CASS4: variants seen among roughly 807,000 people sequenced by gnomAD.
CASS4 encodes Cas scaffold protein family member 4.
A neutral mutation model predicts 54.2 loss-of-function variants in CASS4; 22 were observed. The observed-to-expected ratio is 0.41, with a 90% confidence interval of 0.29 to 0.58. The LOEUF is 0.58. Ranked by LOEUF, CASS4 falls within the 20% of genes least tolerant of loss-of-function variation. CASS4 has a pLI of 0.36. For missense variants in CASS4, 854 were observed against 986.7 expected (o/e 0.87, Z 1.80); for synonymous variants, 409 against 391.5 (o/e 1.04, Z -0.53).
chr20:56,421,915 A>G (rs1420742751), intron 1 of CASS4, among the ~76,000 whole-genome samples: 1 of 152,240 alleles, frequency 6.6e-6, no homozygotes, highest in African/African-American at 2.4e-5. Flanking sequence ...GTAATCCCTC[A>G]GATGGCTTTC....
intron 1 of CASS4, among the ~76,000 whole-genome samples, chr20:56,413,070 G>T (rs951045599): frequency 6.6e-6 from 1 of 151,756 alleles, no homozygotes; most frequent in South Asian, 2.1e-4. Context: ...AGGCACGGTG[G>T]TACATACCTG....
intron 1 of CASS4, among the ~76,000 whole-genome samples, chr20:56,426,649 C>T (rs1206815375): frequency 3.3e-5 from 5 of 152,112 alleles, no homozygotes; most frequent in Non-Finnish European, 7.4e-5. Context: ...AATCCCGGCT[C>T]ATTGCAATCT....
intron 1 of CASS4, among the ~76,000 whole-genome samples, chr20:56,431,029 T>G (rs1032902690): frequency 9.9e-5 from 15 of 152,154 alleles, no homozygotes; most frequent in African/African-American, 3.6e-4. Context: ...TCCAATTTTA[T>G]GTGTATAAAA....
intron 1 of CASS4, among the ~76,000 whole-genome samples, chr20:56,417,032 G>A (rs1979170904): frequency 6.6e-6 from 1 of 152,176 alleles, no homozygotes; most frequent in African/African-American, 2.4e-5. Context: ...TAAAAATGTA[G>A]AATTTTTTAA....
In CASS4 at chr20:56,458,875, A is replaced by G; in HGVS notation, c.*128A>G. ...GAGCTGAAACAGACCTGGTGCCCAA[A>G]GCTGGTAGTACCAAGTGGCTAAGCA... On this transcript the variant is annotated 3_prime_UTR_variant, in exon 6 of 6. Coordinates refer to ENST00000679887, the MANE Select transcript of CASS4 (RefSeq NM_020356.4). 2.0e-6 allele frequency: 2 copies of G among 987,354 alleles called. No individual in the cohort carries two copies. Among genetic ancestry groups the G allele is most frequent in the Non-Finnish European group, 2.9e-6 (2 of 684,506 alleles). 61.2% of individuals were successfully genotyped at this position (987,354 alleles called of 1,614,324 possible). A position where few individuals can be genotyped will look rare whatever the true frequency, so the allele number is the denominator to read the frequency against.
intron 2 of CASS4, among the ~76,000 whole-genome samples, chr20:56,445,056 G>A (rs1980640379): frequency 6.6e-6 from 1 of 151,952 alleles, no homozygotes; most frequent in South Asian, 2.1e-4. Flanking sequence ...TTTGCAGTGA[G>A]CCGAGATCGC....
chr20:56,427,756 G>A (rs1979713412), intron 1 of CASS4, among the ~76,000 whole-genome samples: 2 of 152,160 alleles, frequency 1.3e-5, no homozygotes, highest in South Asian at 4.1e-4. Context: ...TTAAAATGTG[G>A]TTTCTCTATA....
In CASS4 at chr20:56,437,603, C is replaced by A. The variant is rs16979923; in HGVS notation, c.459+17C>A. ...CCAAAACAGGTACGCATACTTCCAC[C>A]TACTAGACATGGGTTGAGGGGTATG... On this transcript the variant is annotated intron_variant, in intron 2 of 5. Transcript: ENST00000679887. This position sits in a 1 kb window ranked among gnomAD's most constrained non-coding sequence, Gnocchi z 4.7. 8.0e-3 allele frequency: 12,220 copies of A among 1,518,678 alleles called. 254 individuals carry two copies. Among genetic ancestry groups the A allele is most frequent in the African/African-American group, 0.075 (5,419 of 72,000 alleles). 94.1% of individuals were successfully genotyped at this position (1,518,678 alleles called of 1,614,324 possible). A position where few individuals can be genotyped will look rare whatever the true frequency, so the allele number is the denominator to read the frequency against.
chr20:56,446,075 A>G, intron 3 of CASS4, 74 bp downstream of exon 3: 1 of 994,752 alleles, frequency 1.0e-6, no homozygotes, highest in Non-Finnish European at 1.5e-6. Context: ...GATCATGCCC[A>G]CATTGCATTT....
chr20:56,442,662 A>ATT (rs1980515826), intron 2 of CASS4, among the ~76,000 whole-genome samples: 1 of 125,154 alleles, frequency 8.0e-6, no homozygotes, highest in African/African-American at 3.7e-5. Context: ...TGCTGGCCTA[A>ATT]TTTAAAAAAA....
At chr20:56,446,381 G>A (rs922241805) in intron 3 of CASS4, among the ~76,000 whole-genome samples, 4 of 152,064 alleles carry the variant, frequency 2.6e-5, no homozygotes, top group African/African-American at 7.2e-5. Flanking sequence ...ATAAGCCACC[G>A]TGCCCAGCCA....
chr20:56,443,361 C>T (rs1283637771), intron 2 of CASS4, among the ~76,000 whole-genome samples: 2 of 150,156 alleles, frequency 1.3e-5, no homozygotes, highest in African/African-American at 2.5e-5. Context: ...CCCAGCTACT[C>T]GGGAGGCTGA....
intron 1 of CASS4, among the ~76,000 whole-genome samples, chr20:56,422,878 A>G (rs1032357659): frequency 1.1e-4 from 16 of 152,220 alleles, no homozygotes; most frequent in African/African-American, 3.6e-4. Context: ...CCCTCCTCAT[A>G]TCCAAGTTCA....
chr20:56,450,205 A>G (rs138129057), intron 3 of CASS4, among the ~76,000 whole-genome samples: 2,214 of 151,880 alleles, frequency 0.015, 28 homozygotes, highest in Non-Finnish European at 0.023. Context: ...CTAATTTTGT[A>G]TTTTTAATAG....
In CASS4 at chr20:56,437,356, G is replaced by A. The variant is rs761295290; in HGVS notation, c.229G>A (p.Asp77Asn). The A allele has an allele frequency of 4.3e-6, 7 of 1,613,962 alleles. No homozygotes were observed. The African/African-American group carries it at 9.3e-5, about 22-fold the overall frequency. Residue 77 changes from aspartate to asparagine, a missense_variant, in exon 2 of 6, where the codon GAC becomes AAC. Transcript: ENST00000679887. This position sits in a 1 kb window ranked among gnomAD's most constrained non-coding sequence, Gnocchi z 4.7. ...CCAAATCCTCACGGAGGTCGCTGCA[G>A]ACAGGCCGTGCCCCCCATTCCTGAG... The part of the protein sequence containing the change: ...RLQILTEVAA[D>N]RPCPPFLRGL...
At position 56,432,934 on chromosome 20, in the gene CASS4, G is replaced by A. The variant is rs1181374469; in HGVS notation, c.37-4230G>A. Among the ~76,000 whole-genome samples the A allele has an allele frequency of 2.6e-5, 4 of 152,240 alleles. No homozygotes were observed. The South Asian group carries it at 8.3e-4, about 32-fold the overall frequency. On this transcript the variant is annotated intron_variant, in intron 1 of 5. Coordinates refer to ENST00000679887, the MANE Select transcript of CASS4 (RefSeq NM_020356.4). ...AAATCTTCCCTCTTACCCTACTCCA[G>A]ACAGAAATAGGAGCGCTCATCCTGG... is the stretch of plus-strand genomic sequence containing the variant.
In CASS4 at chr20:56,437,178, G is replaced by A. The variant is rs746911012; in HGVS notation, c.51G>A (p.Arg17=). 4.7e-5 allele frequency: 73 copies of A among 1,558,872 alleles called. No individual in the cohort carries two copies. Among genetic ancestry groups the A allele is most frequent in the Non-Finnish European group, 5.9e-5 (68 of 1,148,932 alleles). The change falls in exon 2 of 6, where the codon AGG becomes AGA. Residue 17 remains arginine (R), a synonymous_variant. Transcript: ENST00000679887. The surrounding 1 kb of genome is among the most constrained non-coding windows in gnomAD (Gnocchi z 4.7). ...MDCAPKALLA[R]ALYDNCPDCS... ...TCCACCCACAGGCACTCCTGGCCAG[G>A]GCACTTTATGACAACTGCCCTGACT...
intron 1 of CASS4, among the ~76,000 whole-genome samples, chr20:56,427,169 C>G (rs781182932): frequency 2.1e-4 from 27 of 126,802 alleles, no homozygotes; most frequent in Middle Eastern, 3.9e-3. Flanking sequence ...AAGACCCTGT[C>G]TCTTAAAAAA....
At chr20:56,431,634 T>A (rs1281733689) in intron 1 of CASS4, among the ~76,000 whole-genome samples, 1 of 152,086 alleles carries the variant, frequency 6.6e-6, no homozygotes, top group East Asian at 1.9e-4. Flanking sequence ...CCCAGTGGGG[T>A]GGATGATCAT....
Sources: gnomAD v4.1 joint callset for allele counts (sites outside exome capture counted in the v4.1 genomes callset) on GRCh38, gnomAD v4.1.1 for gene constraint, Gnocchi (gnomAD v3.1) non-coding constraint, MANE v1.5 for transcripts, NCBI Gene and HGNC (gene_info 2026-07-23, HGNC 2026-07-21) for gene names.